Variants in ARB2A observed in about 807,000 individuals in gnomAD.
ARB2A encodes cotranscriptional regulator ARB2A.
At chr5:93,750,767 TC>T in the ARB2A span, among the ~76,000 whole-genome samples, 3 of 152,012 alleles carry the variant, frequency 2.0e-5, no homozygotes, top group South Asian at 2.1e-4. Context: ...CCTCAAGCTA[TC>T]CCCACCTTTG....
chr5:94,041,114 C>CTG, the ARB2A span, among the ~76,000 whole-genome samples: 3 of 151,880 alleles, frequency 2.0e-5, no homozygotes, highest in Admixed American at 2.0e-4. Context: ...CTCTCTCTCT[C>CTG]TGTGCAAACC....
chr5:93,749,650 G>T, the ARB2A span, among the ~76,000 whole-genome samples: 4 of 152,042 alleles, frequency 2.6e-5, no homozygotes, highest in Admixed American at 1.3e-4. Context: ...CCACATATTT[G>T]GGAGAATACA....
chr5:93,768,972 A>C, the ARB2A span, among the ~76,000 whole-genome samples: 1 of 152,158 alleles, frequency 6.6e-6, no homozygotes, highest in Non-Finnish European at 1.5e-5. Context: ...AAAAAAAAGG[A>C]AAAACAAAAA....
the ARB2A span, among the ~76,000 whole-genome samples, chr5:93,658,288 C>T: frequency 3.3e-5 from 5 of 152,110 alleles, no homozygotes; most frequent in South Asian, 6.2e-4. Flanking sequence ...TTTAAATGGT[C>T]AATTTTCTAG....
the ARB2A span, among the ~76,000 whole-genome samples, chr5:94,024,117 T>G: frequency 6.6e-6 from 1 of 152,210 alleles, no homozygotes; most frequent in Non-Finnish European, 1.5e-5. Flanking sequence ...GTTAATTTTA[T>G]GTCAATTTAG....
the ARB2A span, among the ~76,000 whole-genome samples, chr5:93,827,858 T>C: frequency 6.6e-6 from 1 of 152,130 alleles, no homozygotes; most frequent in Admixed American, 6.5e-5. Context: ...TAGGGAATCC[T>C]TTCCCCATTG....
the ARB2A span, among the ~76,000 whole-genome samples, chr5:93,875,806 A>C: frequency 6.6e-6 from 1 of 152,196 alleles, no homozygotes; most frequent in African/African-American, 2.4e-5. Flanking sequence ...GGGGCAAAAA[A>C]AAAAAAAGAG....
chr5:93,629,310 T>A, the ARB2A span, among the ~76,000 whole-genome samples: 1 of 151,800 alleles, frequency 6.6e-6, no homozygotes, highest in Admixed American at 6.6e-5. Flanking sequence ...GATCACATAA[T>A]CATAACAGAT....
chr5:93,904,519 T>G, the ARB2A span, among the ~76,000 whole-genome samples: 1 of 151,814 alleles, frequency 6.6e-6, no homozygotes, highest in East Asian at 1.9e-4. Flanking sequence ...TGAGATTGCT[T>G]AAATTTAAAA....
At chr5:93,850,888 T>G in the ARB2A span, among the ~76,000 whole-genome samples, 843 of 152,306 alleles carry the variant, frequency 5.5e-3, 8 homozygotes, top group African/African-American at 0.02. Context: ...TTAAATAAAT[T>G]TAATCTCCAA....
chr5:94,067,422 T>C, the ARB2A span, among the ~76,000 whole-genome samples: 11 of 152,144 alleles, frequency 7.2e-5, no homozygotes, highest in Non-Finnish European at 1.5e-4. Flanking sequence ...GATATAATCT[T>C]ATATATAGAA....
At chr5:93,660,646 C>G in the ARB2A span, among the ~76,000 whole-genome samples, 1 of 152,028 alleles carries the variant, frequency 6.6e-6, no homozygotes, top group Non-Finnish European at 1.5e-5. Context: ...GGATTTCATT[C>G]TTTAGATGAA....
the ARB2A span, among the ~76,000 whole-genome samples, chr5:93,922,119 A>G: frequency 5.5e-4 from 84 of 152,338 alleles, no homozygotes; most frequent in Middle Eastern, 0.014. Flanking sequence ...TGGAAAGATT[A>G]CACCAATGAA....
At chr5:93,871,949 C>CT in the ARB2A span, among the ~76,000 whole-genome samples, 3,236 of 132,094 alleles carry the variant, frequency 0.024, 78 homozygotes, top group African/African-American at 0.07. Context: ...GGAATTTTTT[C>CT]TTTTTTTTTT....
chr5:93,647,998 C>G, the ARB2A span, among the ~76,000 whole-genome samples: 1 of 151,938 alleles, frequency 6.6e-6, no homozygotes, highest in Non-Finnish European at 1.5e-5. Flanking sequence ...CAAAAATTAA[C>G]CAGGTGTGGT....
chr5:94,064,956 A>G, the ARB2A span, among the ~76,000 whole-genome samples: 1 of 152,256 alleles, frequency 6.6e-6, no homozygotes, highest in East Asian at 1.9e-4. Context: ...AAATGTTACC[A>G]CTATAGAAAA....
the ARB2A span, among the ~76,000 whole-genome samples, chr5:93,984,634 T>C: frequency 6.6e-6 from 1 of 152,186 alleles, no homozygotes; most frequent in Non-Finnish European, 1.5e-5. Flanking sequence ...TTTACTGACT[T>C]TGCCAATGAA....
At chr5:94,064,114 G>A in the ARB2A span, among the ~76,000 whole-genome samples, 1 of 151,982 alleles carries the variant, frequency 6.6e-6, no homozygotes, top group East Asian at 1.9e-4. Context: ...AAACAACTCA[G>A]GATATGAATG....
chr5:94,004,546 C>A, the ARB2A span, among the ~76,000 whole-genome samples: 3 of 150,660 alleles, frequency 2.0e-5, no homozygotes, highest in African/African-American at 7.3e-5. Flanking sequence ...TGTGCCACTG[C>A]ACTCCAGCCT....
Sources: gnomAD v4.1 joint callset for allele counts (sites outside exome capture counted in the v4.1 genomes callset) on GRCh38, gnomAD v4.1.1 for gene constraint, MANE v1.5 for transcripts, NCBI Gene and HGNC (gene_info 2026-07-23, HGNC 2026-07-21) for gene names.